ZNF362: variants seen among roughly 807,000 people sequenced by gnomAD.
ZNF362 encodes rotund homolog.
In ZNF362, 11 loss-of-function variants were observed where a neutral mutation model predicts 42.9. The observed-to-expected ratio is 0.26, with a 90% CI of 0.16 to 0.42. ZNF362 has a LOEUF of 0.42. ZNF362 is among the 20% of genes least tolerant of loss of function. ZNF362 has a pLI of 1.00. For synonymous variants in ZNF362, 255 were observed against 257.3 expected, an observed-to-expected ratio of 0.99 and a Z score of 0.09; for missense variants, 362 against 576.2, an observed-to-expected ratio of 0.63 and a Z score of 3.81.
intron 2 of ZNF362, chr1:33,274,994 C>G (rs1645932912): frequency 1.0e-6 from 1 of 985,256 alleles, no homozygotes; most frequent in Admixed American, 6.1e-5. Flanking sequence ...AGCTACCATT[C>G]CAATAGGGGT....
the ZNF362 span, among the ~76,000 whole-genome samples, chr1:33,186,507 A>G: frequency 1.3e-5 from 2 of 151,368 alleles, no homozygotes; most frequent in African/African-American, 4.9e-5. Context: ...GCAGAAACAC[A>G]CATAAAACAA....
chr1:33,231,200 C>T, the ZNF362 span, among the ~76,000 whole-genome samples: 31 of 152,264 alleles, frequency 2.0e-4, no homozygotes, highest in African/African-American at 6.5e-4. Context: ...AGAGATGAGA[C>T]GATTGCTCAG....
At chr1:33,160,962 G>A in the ZNF362 span, among the ~76,000 whole-genome samples, 2 of 152,230 alleles carry the variant, frequency 1.3e-5, no homozygotes. Context: ...CTCAGGAAGG[G>A]TGAAGTAGTG....
chr1:33,235,697 G>T, the ZNF362 span, among the ~76,000 whole-genome samples: 2 of 152,190 alleles, frequency 1.3e-5, no homozygotes, highest in African/African-American at 4.8e-5. Flanking sequence ...GTGAGGGTCA[G>T]TGCATGGAAA....
the ZNF362 span, among the ~76,000 whole-genome samples, chr1:33,150,976 C>T: frequency 3.9e-5 from 6 of 152,106 alleles, no homozygotes; most frequent in African/African-American, 1.4e-4. Context: ...AGACCAGCAA[C>T]AGGCAGCAAC....
the ZNF362 span, among the ~76,000 whole-genome samples, chr1:33,189,130 A>G: frequency 1.3e-5 from 2 of 152,226 alleles, no homozygotes; most frequent in Admixed American, 1.3e-4. Flanking sequence ...GCTGTTCTTC[A>G]GGAGCCCTTG....
intron 1 of ZNF362, among the ~76,000 whole-genome samples, chr1:33,265,354 C>A (rs1165966575): frequency 2.6e-5 from 4 of 151,904 alleles, no homozygotes; most frequent in Admixed American, 2.6e-4. Context: ...GGGGAAGGGG[C>A]AGGCTCCCAG....
upstream of ZNF362, among the ~76,000 whole-genome samples, chr1:33,254,449 T>A (rs999272391): frequency 2.0e-5 from 3 of 152,128 alleles, no homozygotes; most frequent in African/African-American, 7.2e-5. Flanking sequence ...CTGGCTGTGA[T>A]GGTTTCTCGG....
chr1:33,225,863 A>T, the ZNF362 span, among the ~76,000 whole-genome samples: 1 of 152,216 alleles, frequency 6.6e-6, no homozygotes, highest in African/African-American at 2.4e-5. Context: ...ATGTCTTGCT[A>T]AAAAGGGATG....
rs1471342425 is a variant in ZNF362, at chr1:33,300,376, C to T, written c.*1330C>T. The T allele has an allele frequency of 7.5e-6, 1 of 134,064 alleles. No homozygotes were observed. Among genetic ancestry groups the T allele is most frequent in the East Asian group, 2.4e-4 (1 of 4,168 alleles). The allele number at this position is 134,064 out of a possible 1,614,324, so 8.3% of individuals were successfully genotyped here. A position where few individuals can be genotyped will look rare whatever the true frequency, so the allele number is the denominator to read the frequency against. ...ATACTCAGTATTGTAGCTTTTTGTC[C>T]GCATGTTACTCCCTGTAAATACGCT... On this transcript the variant is annotated 3_prime_UTR_variant, in exon 9 of 9. Transcript: ENST00000539719.
At chr1:33,144,884 T>C in the ZNF362 span, among the ~76,000 whole-genome samples, 491 of 152,332 alleles carry the variant, frequency 3.2e-3, 1 homozygote, top group African/African-American at 0.012. Flanking sequence ...GCACTGACTC[T>C]GGGAGGCAGC....
chr1:33,218,995 G>GC, the ZNF362 span, among the ~76,000 whole-genome samples: 9 of 123,388 alleles, frequency 7.3e-5, no homozygotes, highest in South Asian at 9.1e-4. Context: ...ACCACCCCCT[G>GC]CCCCCCCGCA....
intron 2 of ZNF362, chr1:33,275,465 A>T: frequency 1.2e-6 from 1 of 854,748 alleles, no homozygotes; most frequent in Non-Finnish European, 1.4e-6. Flanking sequence ...TGCACGTGAC[A>T]TTGAACAACC....
At chr1:33,204,792 T>C in the ZNF362 span, among the ~76,000 whole-genome samples, 6 of 152,202 alleles carry the variant, frequency 3.9e-5, no homozygotes, top group African/African-American at 9.6e-5. Flanking sequence ...GCCAGTCCCA[T>C]TGGAATAAGA....
intron 3 of ZNF362, 40 bp downstream of exon 3, chr1:33,276,203 T>A (rs1645944923): frequency 2.5e-6 from 4 of 1,609,110 alleles, no homozygotes; most frequent in Non-Finnish European, 3.4e-6. Flanking sequence ...CTACCCTCCT[T>A]GGCGCTGCTT....
At chr1:33,211,813 A>T in the ZNF362 span, among the ~76,000 whole-genome samples, 1 of 152,306 alleles carries the variant, frequency 6.6e-6, no homozygotes, top group African/African-American at 2.4e-5. Context: ...TCTCCTGGAT[A>T]GTATCCTGAA....
chr1:33,250,893 A>AAGAAGAAGAAGG, the ZNF362 span, among the ~76,000 whole-genome samples: 233 of 150,094 alleles, frequency 1.6e-3, 1 homozygote, highest in African/African-American at 5.3e-3. Context: ...GAAGAAGAAG[A>AAGAAGAAGAAGG]AGGAGAAGAA....
chr1:33,249,273 G>A, the ZNF362 span, among the ~76,000 whole-genome samples: 7 of 152,332 alleles, frequency 4.6e-5, no homozygotes, highest in South Asian at 6.2e-4. Context: ...GAATCAGCAT[G>A]CCTTCTGTGA....
At chr1:33,201,351 C>G in the ZNF362 span, among the ~76,000 whole-genome samples, 1 of 152,162 alleles carries the variant, frequency 6.6e-6, no homozygotes. Flanking sequence ...TTAATTTCAG[C>G]TAACACGGAA....
Sources: allele counts gnomAD v4.1 joint callset (sites outside exome capture counted in the v4.1 genomes callset), GRCh38; gene constraint gnomAD v4.1.1; transcripts MANE v1.5; gene names NCBI Gene and HGNC (gene_info 2026-07-23, HGNC 2026-07-21).